PLCH1: variants seen among roughly 807,000 people sequenced by gnomAD.
PLCH1 encodes 1-phosphatidylinositol 4,5-bisphosphate phosphodiesterase eta-1.
PLCH1 carries 60 observed loss-of-function variants against 126.7 expected under a neutral mutation model. That is an observed-to-expected ratio of 0.47 (90% confidence interval 0.38 to 0.59). The LOEUF is 0.59. Among genes scored for constraint, PLCH1 ranks in the 20% least tolerant of loss-of-function variants. The pLI, the probability that PLCH1 is intolerant of heterozygous loss-of-function variation, is 0.00. For synonymous variants in PLCH1, 719 were observed against 734.9 expected (o/e 0.98, Z 0.35); for missense variants, 1,723 against 2,040.0 (o/e 0.84, Z 2.99).
intron 2 of PLCH1, among the ~76,000 whole-genome samples, chr3:155,636,570 A>G (rs1738745758): frequency 6.6e-6 from 1 of 151,962 alleles, no homozygotes; most frequent in Non-Finnish European, 1.5e-5. Context: ...AACATGGAGA[A>G]ACCCCGTTTC....
chr3:155,451,198 T>C (rs991744649), intron 21 of PLCH1, among the ~76,000 whole-genome samples: 1 of 152,084 alleles, frequency 6.6e-6, no homozygotes, highest in Non-Finnish European at 1.5e-5. Context: ...AACAGAAATA[T>C]AAAATCATCA....
chr3:155,620,151 G>A (rs1736280562), intron 2 of PLCH1, among the ~76,000 whole-genome samples: 1 of 152,056 alleles, frequency 6.6e-6, no homozygotes, highest in Non-Finnish European at 1.5e-5. Context: ...GAAAAACACT[G>A]AAAACTTCTT....
intron 4 of PLCH1, among the ~76,000 whole-genome samples, chr3:155,589,139 A>G (rs959838858): frequency 6.6e-6 from 1 of 152,158 alleles, no homozygotes; most frequent in African/African-American, 2.4e-5. Context: ...CTATCAAGAG[A>G]CTGTAGGAGC....
rs1339294246 is a variant in PLCH1 at position 155,735,755 on chromosome 3, T to C, written c.-41+9085A>G. ...CTCGATTTACCCATTCTGCAATGTA[T>C]ACATATTTCAAAACATGTATATAAT... On this transcript the variant is annotated intron_variant, in intron 1 of 22. Coordinates refer to ENST00000460012, the MANE Select transcript of PLCH1 (RefSeq NM_014996.4). 3.9e-5 allele frequency among the ~76,000 whole-genome samples: 6 copies of C among 152,174 alleles called. No individual in the cohort carries two copies. In the East Asian group the frequency reaches 9.6e-4, roughly 24 times the overall value.
chr3:155,480,177 C>T lies in PLCH1; in HGVS notation c.*791G>A, dbSNP rs1347974836. 2.6e-5 allele frequency: 4 copies of T among 152,746 alleles called. No homozygotes were observed. The highest frequency in any genetic ancestry group is 1.9e-4 in the East Asian group (1 of 5,176). 9.5% of individuals were successfully genotyped at this position (152,746 alleles called of 1,614,324 possible). On this transcript the variant is annotated 3_prime_UTR_variant, in exon 23 of 23. Coordinates refer to ENST00000460012, the MANE Select transcript of PLCH1 (RefSeq NM_014996.4). ...TCATTAGAGTCTGATGGAAGTCCCT[C>T]ATTCTGAAAGCCGTTGTTCGCAGTC...
chr3:155,665,402 G>A (rs1037261553), intron 2 of PLCH1, among the ~76,000 whole-genome samples: 2 of 152,204 alleles, frequency 1.3e-5, no homozygotes, highest in Non-Finnish European at 2.9e-5. Context: ...CAATGAGACA[G>A]AAGAGATCAT....
At chr3:155,653,276 C>T (rs1417308245) in intron 2 of PLCH1, among the ~76,000 whole-genome samples, 4 of 152,212 alleles carry the variant, frequency 2.6e-5, no homozygotes, top group Admixed American at 2.0e-4. Context: ...GCCTTGACCT[C>T]CCATGGGCTG....
intron 1 of PLCH1, among the ~76,000 whole-genome samples, chr3:155,707,027 A>G (rs2109091803): frequency 6.6e-6 from 1 of 152,242 alleles, no homozygotes; most frequent in East Asian, 1.9e-4. Flanking sequence ...CTCCACCCTT[A>G]TGATTAGGAT....
chr3:155,674,194 A>C (rs1743851872), intron 2 of PLCH1, among the ~76,000 whole-genome samples: 1 of 152,224 alleles, frequency 6.6e-6, no homozygotes, highest in African/African-American at 2.4e-5. Context: ...TGTTGTTCAG[A>C]ATCACTAAGA....
chr3:155,471,518 C>T lies in PLCH1; in HGVS notation c.2938+13838G>A, dbSNP rs1233579396. 5.1e-3 allele frequency among the ~76,000 whole-genome samples: 742 copies of T among 146,472 alleles called. 6 individuals carry two copies. The highest frequency in any genetic ancestry group is 0.017 in the African/African-American group (671 of 39,168). On this transcript the variant is annotated intron_variant, in intron 21 of 21. Transcript: ENST00000494598. ...CCACTGTCAACATTAGACAGATCAA[C>T]GAGACAGAAAGTCAACAAGGATACC...
intron 2 of PLCH1, among the ~76,000 whole-genome samples, chr3:155,673,361 T>C (rs1284025741): frequency 2.6e-5 from 4 of 152,106 alleles, no homozygotes; most frequent in Admixed American, 6.6e-5. Flanking sequence ...TTTTTATTCA[T>C]CTTCATATCC....
intron 6 of PLCH1, among the ~76,000 whole-genome samples, chr3:155,574,787 CA>C (rs1729707390): frequency 6.6e-6 from 1 of 152,110 alleles, no homozygotes; most frequent in Non-Finnish European, 1.5e-5. Context: ...AAAAATATTG[CA>C]AGATATAATT....
intron 2 of PLCH1, among the ~76,000 whole-genome samples, chr3:155,679,311 A>G (rs1744326625): frequency 6.6e-6 from 1 of 152,236 alleles, no homozygotes; most frequent in East Asian, 1.9e-4. Context: ...TGACAACACA[A>G]TGGGGGTGGT....
chr3:155,689,925 A>T (rs1018155231), intron 2 of PLCH1, among the ~76,000 whole-genome samples: 16 of 152,164 alleles, frequency 1.1e-4, no homozygotes, highest in Admixed American at 6.5e-4. Context: ...AAGTACAAGA[A>T]GGTTAAGGAA....
chr3:155,699,092 T>C (rs1245060198), intron 2 of PLCH1, among the ~76,000 whole-genome samples: 3 of 151,896 alleles, frequency 2.0e-5, no homozygotes, highest in African/African-American at 7.2e-5. Context: ...CTTTTTTTTT[T>C]TTGAGACAGT....
intron 2 of PLCH1, among the ~76,000 whole-genome samples, chr3:155,644,893 G>A (rs2203886): frequency 0.28 from 42,694 of 151,932 alleles, 6,381 homozygotes; most frequent in East Asian, 0.45. Context: ...TAGAACTCCT[G>A]TAAATGTTCC....
At chr3:155,489,925 C>T (rs1369759758) in intron 19 of PLCH1, among the ~76,000 whole-genome samples, 2 of 152,090 alleles carry the variant, frequency 1.3e-5, no homozygotes, top group African/African-American at 4.8e-5. Context: ...CAGAGAAGAT[C>T]TTTTTGTTGA....
intron 8 of PLCH1, among the ~76,000 whole-genome samples, chr3:155,561,742 T>G (rs1420818658): frequency 6.6e-6 from 1 of 152,042 alleles, no homozygotes; most frequent in Non-Finnish European, 1.5e-5. Flanking sequence ...TAGTTTACAG[T>G]CCCACCAACA....
chr3:155,522,234 A>G (rs751169664), intron 11 of PLCH1, among the ~76,000 whole-genome samples: 1 of 152,216 alleles, frequency 6.6e-6, no homozygotes, highest in Non-Finnish European at 1.5e-5. Context: ...TAATGCTAAA[A>G]AAAAAGCTAA....
Sources: gnomAD v4.1 joint callset for allele counts (sites outside exome capture counted in the v4.1 genomes callset) on GRCh38, gnomAD v4.1.1 for gene constraint, MANE v1.5 for transcripts, NCBI Gene and HGNC (gene_info 2026-07-23, HGNC 2026-07-21) for gene names.